FAM98B: variants seen among roughly 807,000 people sequenced by gnomAD.
FAM98B encodes the protein tRNA splicing ligase complex subunit 3B.
FAM98B carries 32 observed loss-of-function variants against 43.9 expected under a neutral mutation model. The ratio of observed to expected loss-of-function variants is 0.73; its 90% CI spans 0.55 to 0.98. The LOEUF (loss-of-function observed/expected upper bound fraction) is 0.98, where lower values mean the gene tolerates loss of function less well. Among genes scored for constraint, FAM98B ranks in the 50% least tolerant of loss-of-function variants. The probability of loss-of-function intolerance (pLI) is 0.00; values close to 1 mark genes in which losing one functional copy is unlikely to be tolerated. For missense variants in FAM98B, 514 were observed against 522.9 expected (o/e 0.98, Z 0.17); for synonymous variants, 190 against 174.0 (o/e 1.09, Z -0.72).
chr15:38,464,342 C>G (rs1194168414), intron 2 of FAM98B, among the ~76,000 whole-genome samples, 165 bp downstream of exon 2: 1 of 151,980 alleles, frequency 6.6e-6, no homozygotes, highest in South Asian at 2.1e-4. Flanking sequence ...TATATTAATC[C>G]AGAATTGATA....
chr15:38,478,922 ACT>A, intron 6 of FAM98B, among the ~76,000 whole-genome samples: 1 of 152,172 alleles, frequency 6.6e-6, no homozygotes, highest in East Asian at 1.9e-4. Flanking sequence ...TTTAAAATTA[ACT>A]CTTAATTTTT....
At chr15:38,456,841 A>C (rs1471717690) in intron 1 of FAM98B, among the ~76,000 whole-genome samples, 3 of 152,226 alleles carry the variant, frequency 2.0e-5, no homozygotes, top group Non-Finnish European at 4.4e-5. Context: ...GAAGGAGGCT[A>C]ATGTGGTTGG....
chr15:38,464,908 A>C (rs1026508989), intron 2 of FAM98B, among the ~76,000 whole-genome samples: 4 of 152,208 alleles, frequency 2.6e-5, no homozygotes, highest in African/African-American at 7.2e-5. Context: ...AGCCAGATCT[A>C]ACAGTTCACT....
chr15:38,485,586 G>A lies in FAM98B; in HGVS notation c.*927G>A, dbSNP rs1890356819. 6.6e-6 allele frequency: 1 copy of A among 152,166 alleles called. No individual in the cohort carries two copies. Among genetic ancestry groups the A allele is most frequent in the Non-Finnish European group, 1.5e-5 (1 of 68,030 alleles). The allele number at this position is 152,166 out of a possible 1,614,324, so 9.4% of individuals were successfully genotyped here. On this transcript the variant is annotated 3_prime_UTR_variant, in exon 8 of 8. Coordinates refer to ENST00000397609, the MANE Select transcript of FAM98B (RefSeq NM_173611.4). ...TTTGGGAAACACAAAGTTAGGGAAT[G>A]GCTATATGTGATTTGCTAGTTGGAG...
chr15:38,481,764 T>G, intron 7 of FAM98B: 3 of 754,490 alleles, frequency 4.0e-6, no homozygotes, highest in Non-Finnish European at 6.1e-6. Flanking sequence ...TAAGAATCTT[T>G]CGGAATTGTT....
chr15:38,464,310 T>C, intron 2 of FAM98B, 133 bp downstream of exon 2: 1 of 827,950 alleles, frequency 1.2e-6, no homozygotes, highest in Non-Finnish European at 1.7e-6. Context: ...TATGTGGTAG[T>C]AAACATTTTT....
rs1566900063 is a variant in FAM98B, at chr15:38,474,271, G to C, written c.702G>C (p.Gln234His). 6.2e-7 allele frequency: 1 copy of C among 1,613,400 alleles called. No homozygotes were observed. The highest frequency in any genetic ancestry group is 8.5e-7 in the Non-Finnish European group (1 of 1,179,528). The change falls in exon 6 of 8, where the codon CAG (glutamine) becomes CAC (histidine). Residue 234 changes from glutamine to histidine, a missense_variant. Around this residue, in one of 2 missense-constraint regions of FAM98B, gnomAD observed 469 missense variants for 451.8 expected, o/e 1.04. Coordinates refer to ENST00000397609, the MANE Select transcript of FAM98B (RefSeq NM_173611.4). ...MLMKRLDVTV[Q>H]SFGWSDRAKV... ...TGAAACGATTAGATGTGACTGTACA[G>C]TCCTTTGGATGGTCTGATAGAGCAA...
intron 6 of FAM98B, among the ~76,000 whole-genome samples, chr15:38,477,115 T>C (rs1439181031): frequency 6.6e-6 from 1 of 151,712 alleles, no homozygotes. Context: ...GTGATCAACA[T>C]AGCGAGTCAC....
intron 5 of FAM98B, 116 bp from the exon 6 acceptor site, chr15:38,474,066 G>C: frequency 1.5e-6 from 1 of 650,492 alleles, no homozygotes; most frequent in South Asian, 1.9e-5. Context: ...AACAGAAAAT[G>C]GTCAGTAAGT....
chr15:38,465,888 T>C (rs1288322333), intron 3 of FAM98B, among the ~76,000 whole-genome samples: 1 of 152,098 alleles, frequency 6.6e-6, no homozygotes, highest in Non-Finnish European at 1.5e-5. Context: ...ACTTTAAATG[T>C]GGCCAGTTTC....
intron 1 of FAM98B, chr15:38,459,350 G>T (rs958743000): frequency 4.3e-6 from 2 of 466,890 alleles, no homozygotes; most frequent in South Asian, 1.6e-5. Flanking sequence ...AGTGGTGTTG[G>T]CTTCCTCCTT....
intron 7 of FAM98B, chr15:38,482,051 A>C (rs1443887534): frequency 6.3e-6 from 1 of 159,760 alleles, no homozygotes; most frequent in Admixed American, 5.9e-5. Context: ...TGTCAGCTTA[A>C]CTGGCATGTC....
At chr15:38,459,485 G>C in intron 1 of FAM98B, 1 of 339,758 alleles carries the variant, frequency 2.9e-6, no homozygotes, top group East Asian at 8.8e-5. Flanking sequence ...GGCCTTGCTT[G>C]GTGAGCACCA....
At chr15:38,465,547 T>C in intron 3 of FAM98B, 144 bp downstream of exon 3, 1 of 757,822 alleles carries the variant, frequency 1.3e-6, no homozygotes. Flanking sequence ...ATCTCAGAAA[T>C]GTTTATATAA....
chr15:38,483,382 C>T (rs936011521), intron 7 of FAM98B: 1 of 152,020 alleles, frequency 6.6e-6, no homozygotes, highest in African/African-American at 2.4e-5. Context: ...ATAATATATT[C>T]TAGGCTGGGT....
At chr15:38,467,940 C>T (rs1890063804) in intron 3 of FAM98B, among the ~76,000 whole-genome samples, 1 of 152,142 alleles carries the variant, frequency 6.6e-6, no homozygotes, top group Non-Finnish European at 1.5e-5. Flanking sequence ...AACAAACGCA[C>T]ACAGATGGCT....
chr15:38,476,295 T>A (rs1890198600), intron 6 of FAM98B, among the ~76,000 whole-genome samples: 1 of 152,166 alleles, frequency 6.6e-6, no homozygotes, highest in African/African-American at 2.4e-5. Context: ...CTCTGTAAGC[T>A]TTTGGGCTCT....
chr15:38,456,600 T>C (rs1459675985), intron 1 of FAM98B, among the ~76,000 whole-genome samples: 4 of 152,214 alleles, frequency 2.6e-5, no homozygotes, highest in Admixed American at 6.5e-5. Flanking sequence ...TAAACTATAA[T>C]AAATGTGTCA....
chr15:38,464,210 T>G (rs1889994022), intron 2 of FAM98B, 33 bp downstream of exon 2: 52 of 1,580,508 alleles, frequency 3.3e-5, no homozygotes, highest in Non-Finnish European at 4.5e-5. Context: ...ACTTTTCTGT[T>G]TAATAGTAAA....
Sources: gnomAD v4.1 joint callset for allele counts (sites outside exome capture counted in the v4.1 genomes callset) on GRCh38, gnomAD v4.1.1 for gene constraint, gnomAD v4.1.1 regional missense constraint, MANE v1.5 for transcripts, NCBI Gene and HGNC (gene_info 2026-07-23, HGNC 2026-07-21) for gene names.